Variants in CLCN7 observed in about 807,000 individuals in gnomAD.
CLCN7 encodes the protein Cl-/H+ antiporter 7.
A neutral mutation model predicts 102.1 loss-of-function variants in CLCN7; 60 were observed. The observed-to-expected ratio is 0.59, with a 90% CI of 0.48 to 0.73. CLCN7 has a LOEUF of 0.73. Ranked by LOEUF, CLCN7 falls within the 30% of genes least tolerant of loss-of-function variation. The probability of loss-of-function intolerance (pLI) is 0.00; values close to 1 mark genes in which losing one functional copy is unlikely to be tolerated. For synonymous variants in CLCN7, 560 were observed against 490.5 expected, an observed-to-expected ratio of 1.14 and a Z score of -1.87; for missense variants, 962 against 1,125.7, an observed-to-expected ratio of 0.85 and a Z score of 2.08.
chr16:1,462,428 T>A (rs1474898259), intron 2 of CLCN7, among the ~76,000 whole-genome samples: 5 of 131,986 alleles, frequency 3.8e-5, no homozygotes, highest in Admixed American at 8.9e-5. Context: ...CAGGCTAGAG[T>A]GCAGTGACGC....
At position 1,461,620 on chromosome 16, in the gene CLCN7, G is replaced by A. The variant is rs1428604683; in HGVS notation, c.268C>T (p.Leu90=). Residue 90 remains leucine, a synonymous_variant, in exon 3 of 25, where the codon CTG becomes TTG. Transcript: ENST00000382745. ...ACGCCCACCTCATACTTGAGGGACA[G>A]GAGCTTCTCGTTGTGTGGGATCTCC... ...PKEIPHNEKL[L]SLKYESLDYD... 1 of 1,614,052 alleles carries A rather than the reference G, an allele frequency of 6.2e-7. No homozygotes were observed. Among genetic ancestry groups the A allele is most frequent in the East Asian group, 2.2e-5 (1 of 44,890 alleles).
chr16:1,460,963 C>A lies in CLCN7; in HGVS notation c.352-15G>T. The A allele has an allele frequency of 1.2e-6, 2 of 1,611,786 alleles. No individual in the cohort carries two copies. The highest frequency in any genetic ancestry group is 2.2e-5 in the South Asian group (2 of 91,022). ...GTCCGGAAGGCCTGCAGGGCGCGGT[C>A]AGGGCGAGGGTCAGGCAGGGCCCTG... On this transcript the variant is annotated splice_polypyrimidine_tract_variant and intron_variant, in intron 4 of 24. Coordinates refer to ENST00000382745, the MANE Select transcript of CLCN7 (RefSeq NM_001287.6).
chr16:1,458,058 G>T (rs1318855776), intron 7 of CLCN7, among the ~76,000 whole-genome samples: 1 of 100,666 alleles, frequency 9.9e-6, no homozygotes, highest in Non-Finnish European at 2.1e-5. Flanking sequence ...GCATCCTACA[G>T]GCACACCTGC....
At position 1,454,454 on chromosome 16, in the gene CLCN7, G is replaced by A. The variant is rs776267267; in HGVS notation, c.1110C>T (p.Tyr370=). The A allele has an allele frequency of 6.2e-7, 1 of 1,613,728 alleles. No homozygotes were observed. Among genetic ancestry groups the A allele is most frequent in the Non-Finnish European group, 8.5e-7 (1 of 1,179,980 alleles). ...FGRFDSEKMA[Y]TIHEIPVFIA... ...TGAAGACCGGGATCTCGTGGATCGT[G>A]TAGGCCATTTTCTGTGCAGAGAGAG... Residue 370 remains tyrosine (Y), a synonymous_variant, in exon 13 of 25, where the codon TAC becomes TAT. Coordinates refer to ENST00000382745, the MANE Select transcript of CLCN7 (RefSeq NM_001287.6).
Position 1,461,917 on chromosome 16 carries a change from G to A in CLCN7, c.214-243C>T, listed in dbSNP as rs551015286. On this transcript the variant is annotated intron_variant, in intron 2 of 24. Transcript: ENST00000382745. ...CTGGACAACAAGATGAAACCCTGTC[G>A]CTACTAAAAATACAAAAATTAGCTG... is the stretch of plus-strand genomic sequence containing the variant. Among the ~76,000 whole-genome samples, 33 of 151,388 alleles carry A rather than the reference G, an allele frequency of 2.2e-4. 1 individual carries two copies. In the South Asian group the frequency reaches 5.2e-3, roughly 24 times the overall value.
intron 15 of CLCN7, chr16:1,452,367 G>T: frequency 3.4e-6 from 1 of 293,188 alleles, no homozygotes. Flanking sequence ...CCGTGTCACA[G>T]TGCAGATGGA....
intron 11 of CLCN7, 132 bp from the exon 12 acceptor site, chr16:1,455,382 G>C: frequency 1.3e-6 from 1 of 772,460 alleles, no homozygotes; most frequent in Admixed American, 1.8e-5. Flanking sequence ...CAAGGCAGAA[G>C]GGAAGGGGCT....
intron 1 of CLCN7, among the ~76,000 whole-genome samples, 163 bp from the exon 2 acceptor site, chr16:1,465,501 C>T (rs932806564): frequency 2.6e-5 from 4 of 152,092 alleles, no homozygotes; most frequent in Non-Finnish European, 5.9e-5. Flanking sequence ...AGGGCTGGGA[C>T]GGGCCTCCCT....
At chr16:1,460,724 A>G (rs2038921775) in intron 5 of CLCN7, 92 bp downstream of exon 5, 1 of 1,592,958 alleles carries the variant, frequency 6.3e-7, no homozygotes, top group South Asian at 1.1e-5. Context: ...CTCCACCTGC[A>G]CTGGAACACG....
rs1373666632 is a variant in CLCN7, at chr16:1,455,195, T to C, written c.1037A>G (p.His346Arg). 6.2e-7 allele frequency: 1 copy of C among 1,613,738 alleles called. No individual in the cohort carries two copies. Among genetic ancestry groups the C allele is most frequent in the Non-Finnish European group, 8.5e-7 (1 of 1,179,846 alleles). ...GCTGGACAGGTCCCACATGTTCCCG[T>C]GGTAAATGCTCAGAACAAAATTCAG... ...FTLNFVLSIY[H>R]GNMWDLSSPG... The change falls in exon 12 of 25, where the codon CAC (histidine) becomes CGC (arginine). Residue 346 changes from histidine (H) to arginine (R), a missense_variant. By Grantham distance (29) the His-to-Arg change is conservative. Around this residue, in one of 2 missense-constraint regions of CLCN7, gnomAD observed 799 missense variants for 988.0 expected, o/e 0.81. Coordinates refer to ENST00000382745, the MANE Select transcript of CLCN7 (RefSeq NM_001287.6).
intron 17 of CLCN7, 160 bp downstream of exon 17, chr16:1,450,337 G>A (rs558729101): frequency 1.2e-5 from 9 of 737,986 alleles, no homozygotes; most frequent in East Asian, 2.7e-5. Flanking sequence ...GCAGGACAAC[G>A]CCCACGGCCC....
chr16:1,465,340 T>C lies in CLCN7; in HGVS notation c.142-2A>G. ...TCGGAAAAGCGCAGAACGTGGTGAC[T>C]AAAAGCAGAAGAGAAATCATGAGGG... On this transcript the variant is annotated splice_acceptor_variant, in intron 1 of 24. Transcript: ENST00000382745. LOFTEE classifies it high-confidence loss of function. 6.2e-7 allele frequency: 1 copy of C among 1,612,922 alleles called. No homozygotes were observed.
intron 16 of CLCN7, among the ~76,000 whole-genome samples, chr16:1,450,964 A>G (rs1480913060): frequency 6.6e-6 from 1 of 152,106 alleles, no homozygotes; most frequent in Non-Finnish European, 1.5e-5. Flanking sequence ...CCAGGTCTAC[A>G]CTCCATGGGT....
chr16:1,469,313 G>GT (rs2039046395), intron 1 of CLCN7, among the ~76,000 whole-genome samples: 1 of 152,076 alleles, frequency 6.6e-6, no homozygotes, highest in South Asian at 2.1e-4. Flanking sequence ...AGAGCAAAAG[G>GT]TAACCTATGA....
rs774760392 is a variant in CLCN7, at chr16:1,461,390, C to T, written c.351+15G>A. On this transcript the variant is annotated intron_variant, in intron 4 of 24. Coordinates refer to ENST00000382745, the MANE Select transcript of CLCN7 (RefSeq NM_001287.6). ...CCGCACCGTGGGGCCCTGCAGGGAG[C>T]GGCGTCCAGCTCACCGTGTGATTGA... The T allele has an allele frequency of 1.3e-5, 20 of 1,547,262 alleles. No individual in the cohort carries two copies. The highest frequency in any genetic ancestry group is 1.1e-4 in the South Asian group (9 of 83,930).
At chr16:1,452,576 C>T (rs2038768597) in intron 15 of CLCN7, 179 bp downstream of exon 15, 1 of 656,532 alleles carries the variant, frequency 1.5e-6, no homozygotes, top group African/African-American at 1.8e-5. Flanking sequence ...CCTCAGCAGA[C>T]ACCTGGCCTC....
At chr16:1,472,211 G>A (rs1036974920) in intron 1 of CLCN7, among the ~76,000 whole-genome samples, 1 of 152,244 alleles carries the variant, frequency 6.6e-6, no homozygotes, top group African/African-American at 2.4e-5. Flanking sequence ...AAACAAATAA[G>A]CTTACAATGA....
rs767123716 is a variant in CLCN7 at position 1,457,329 on chromosome 16, C to CG, written c.746dup (p.Met250AspfsTer115). 1 of 1,613,528 alleles carries CG rather than the reference C, an allele frequency of 6.2e-7. No homozygotes were observed. The highest frequency in any genetic ancestry group is 1.3e-5 in the African/African-American group (1 of 75,064). On this transcript the variant is annotated frameshift_variant, in exon 9 of 25. Transcript: ENST00000382745. LOFTEE classifies it high-confidence loss of function. The surrounding 1 kb of genome is among the most constrained non-coding windows in gnomAD (Gnocchi z 5.4). ...CAATCACTGAACCTGAGTGGATCAT[C>CG]GGCCCTTCCTGGAGACCAGAAGGAC...
chr16:1,453,129 T>TCC (rs2038780223), intron 14 of CLCN7, among the ~76,000 whole-genome samples: 1 of 152,184 alleles, frequency 6.6e-6, no homozygotes, highest in Non-Finnish European at 1.5e-5. Flanking sequence ...TGCCTCAGCC[T>TCC]CCCGAGTAGC....
Sources: allele counts gnomAD v4.1 joint callset (sites outside exome capture counted in the v4.1 genomes callset), GRCh38; gene constraint gnomAD v4.1.1; regional missense constraint gnomAD v4.1.1; non-coding constraint Gnocchi (gnomAD v3.1); transcripts MANE v1.5; gene names NCBI Gene and HGNC (gene_info 2026-07-23, HGNC 2026-07-21).